Variants in CNBD1 observed in about 807,000 individuals in gnomAD.
CNBD1 encodes cyclic nucleotide-binding domain-containing protein 1.
CNBD1 carries 71 observed loss-of-function variants against 54.4 expected under a neutral mutation model. The observed-to-expected ratio is 1.30, with a 90% confidence interval of 1.08 to 1.59. The LOEUF (loss-of-function observed/expected upper bound fraction) is 1.59, where lower values mean the gene tolerates loss of function less well. Among genes scored for constraint, CNBD1 ranks in the 40% most tolerant of loss-of-function variants. The pLI is 0.00. For synonymous variants in CNBD1, 182 were observed against 170.7 expected (o/e 1.07, Z -0.51); for missense variants, 659 against 518.0 (o/e 1.27, Z -2.64).
At chr8:87,031,267 A>G (rs540434654) in intron 4 of CNBD1, among the ~76,000 whole-genome samples, 2 of 151,990 alleles carry the variant, frequency 1.3e-5, no homozygotes, top group Non-Finnish European at 2.9e-5. Context: ...CATTTTTGCA[A>G]AAAGCACTTA....
At chr8:87,351,100 T>G (rs1810281293) in intron 8 of CNBD1, among the ~76,000 whole-genome samples, 1 of 152,182 alleles carries the variant, frequency 6.6e-6, no homozygotes, top group South Asian at 2.1e-4. Context: ...TAATTAATTT[T>G]TCCATTTTAA....
intron 6 of CNBD1, among the ~76,000 whole-genome samples, chr8:87,283,401 A>G (rs1585982235): frequency 6.6e-6 from 1 of 151,036 alleles, no homozygotes; most frequent in Non-Finnish European, 1.5e-5. Flanking sequence ...AATTTTTTTT[A>G]TTAAGATTTT....
intron 8 of CNBD1, among the ~76,000 whole-genome samples, chr8:87,304,786 C>T (rs1393620074): frequency 2.6e-5 from 4 of 152,046 alleles, no homozygotes; most frequent in African/African-American, 9.7e-5. Flanking sequence ...CCATGTATGA[C>T]AAACCCACAG....
chr8:87,127,053 A>G (rs566633027), intron 4 of CNBD1, among the ~76,000 whole-genome samples: 16 of 151,968 alleles, frequency 1.1e-4, no homozygotes, highest in Non-Finnish European at 2.2e-4. Flanking sequence ...ACAAGACTAC[A>G]CTGGCTTGCT....
At chr8:87,177,312 AGAC>A (rs1386483949) in intron 4 of CNBD1, among the ~76,000 whole-genome samples, 2 of 152,218 alleles carry the variant, frequency 1.3e-5, no homozygotes, top group African/African-American at 4.8e-5. Flanking sequence ...TACCAAGAAT[AGAC>A]TCTTGCTATA....
intron 6 of CNBD1, among the ~76,000 whole-genome samples, chr8:87,239,875 T>A (rs1009368538): frequency 3.9e-5 from 6 of 152,142 alleles, no homozygotes; most frequent in Admixed American, 2.0e-4. Context: ...TCATTAGAGT[T>A]GATTATATAA....
chr8:87,405,740 T>C (rs1412909129), intron 2 of CNBD1, among the ~76,000 whole-genome samples: 3 of 152,170 alleles, frequency 2.0e-5, no homozygotes, highest in Admixed American at 1.3e-4. Context: ...GAAATGTGAC[T>C]AACAATGCCG....
chr8:87,390,588 A>G (rs1811287914), intron 2 of CNBD1, among the ~76,000 whole-genome samples: 2 of 152,056 alleles, frequency 1.3e-5, no homozygotes, highest in Admixed American at 6.6e-5. Context: ...AAGTCAGGAA[A>G]CAAGAGGTGC....
At chr8:87,038,202 C>G (rs1014144838) in intron 4 of CNBD1, among the ~76,000 whole-genome samples, 1 of 152,110 alleles carries the variant, frequency 6.6e-6, no homozygotes, top group African/African-American at 2.4e-5. Context: ...TGGAGGGGGA[C>G]TTTAGAGAAC....
chr8:86,883,851 G>A (rs1333131540), intron 1 of CNBD1, among the ~76,000 whole-genome samples: 4 of 152,140 alleles, frequency 2.6e-5, no homozygotes, highest in African/African-American at 9.6e-5. Flanking sequence ...ATAATTTGTT[G>A]TAAAACATTG....
rs115410358 is a variant in CNBD1, at chr8:87,199,345, C to G, written c.432-6648C>G. Among the ~76,000 whole-genome samples the G allele has an allele frequency of 9.0e-3, 1,364 of 152,040 alleles. 20 individuals are homozygous for G. The highest frequency in any genetic ancestry group is 0.031 in the Middle Eastern group (9 of 294). ...GAGTTCAACAACAGATTTGAGTTGC[C>G]AAAAGGAAGGTTCAGTAAGCTCGAA... On this transcript the variant is annotated intron_variant, in intron 4 of 10. Transcript: ENST00000518476.
intron 8 of CNBD1, among the ~76,000 whole-genome samples, chr8:87,300,240 A>G (rs181109828): frequency 6.6e-6 from 1 of 152,296 alleles, no homozygotes; most frequent in East Asian, 1.9e-4. Flanking sequence ...CAGAAATGGA[A>G]ACTATTTTAA....
At chr8:87,180,408 G>T (rs192098267) in intron 4 of CNBD1, among the ~76,000 whole-genome samples, 7 of 151,844 alleles carry the variant, frequency 4.6e-5, no homozygotes, top group Non-Finnish European at 1.0e-4. Flanking sequence ...AGCCTAATAC[G>T]TTACTGTGTG....
intron 4 of CNBD1, among the ~76,000 whole-genome samples, chr8:87,025,452 C>G (rs994880331): frequency 6.6e-6 from 1 of 152,218 alleles, no homozygotes; most frequent in African/African-American, 2.4e-5. Context: ...GTCAGGAAGA[C>G]AACAAACCCA....
intron 2 of CNBD1, among the ~76,000 whole-genome samples, chr8:87,426,743 AGCACTTAGTGT>A (rs1487984005): frequency 1.2e-4 from 19 of 152,342 alleles, no homozygotes; most frequent in African/African-American, 4.1e-4. Flanking sequence ...GGTGGCACCT[AGCACTTAGTGT>A]GCATAATCAA....
intron 3 of CNBD1, among the ~76,000 whole-genome samples, chr8:86,908,511 C>G (rs1184072990): frequency 6.6e-6 from 1 of 152,160 alleles, no homozygotes; most frequent in Non-Finnish European, 1.5e-5. Context: ...TATTAATCCC[C>G]TACTTCAGAG....
chr8:87,004,864 A>G (rs891687191), intron 4 of CNBD1, among the ~76,000 whole-genome samples: 3 of 152,174 alleles, frequency 2.0e-5, no homozygotes, highest in African/African-American at 7.2e-5. Flanking sequence ...AATTCAAACC[A>G]TTCATTGTTG....
intron 4 of CNBD1, among the ~76,000 whole-genome samples, chr8:87,130,602 C>G (rs1175527447): frequency 6.6e-6 from 1 of 151,884 alleles, no homozygotes; most frequent in African/African-American, 2.4e-5. Flanking sequence ...CATGGTGAGA[C>G]ACCGTCTTTA....
At chr8:86,868,497 T>G (rs2131760845) in intron 1 of CNBD1, among the ~76,000 whole-genome samples, 1 of 152,172 alleles carries the variant, frequency 6.6e-6, no homozygotes, top group South Asian at 2.1e-4. Flanking sequence ...TGTGCCTGGC[T>G]AATTTTTGTA....
Sources: allele counts gnomAD v4.1 joint callset (sites outside exome capture counted in the v4.1 genomes callset), GRCh38; gene constraint gnomAD v4.1.1; transcripts MANE v1.5; gene names NCBI Gene and HGNC (gene_info 2026-07-23, HGNC 2026-07-21).